Variants in BTN2A1 observed in about 807,000 individuals in gnomAD.
The protein encoded by BTN2A1 is butyrophilin subfamily 2 member A1, also known as butyrophilin, subfamily 2, member A1.
BTN2A1 carries 41 observed loss-of-function variants against 34.5 expected under a neutral mutation model. The ratio of observed to expected loss-of-function variants is 1.19; its 90% CI spans 0.93 to 1.54. The LOEUF is 1.54. Among genes scored for constraint, BTN2A1 ranks in the 40% most tolerant of loss-of-function variants. The probability of loss-of-function intolerance (pLI) is 0.00; values close to 1 mark genes in which losing one functional copy is unlikely to be tolerated. For synonymous variants in BTN2A1, 267 were observed against 258.6 expected (o/e 1.03, Z -0.31); for missense variants, 642 against 662.0 (o/e 0.97, Z 0.33).
chr6:26,476,319 A>G lies in BTN2A1; in HGVS notation c.*187A>G, dbSNP rs1298221255. On this transcript the variant is annotated 3_prime_UTR_variant, in exon 8 of 8. Coordinates refer to the BTN2A1 transcript ENST00000469185. ...GCTCTCTCCTGTCTATTCATCAGCT[A>G]GGCTGAAGCTCCTGACAGACTCACA... The G allele has an allele frequency of 7.3e-6, 6 of 818,366 alleles. No homozygotes were observed. The East Asian group carries it at 1.5e-4, about 21-fold the overall frequency. 50.7% of individuals were successfully genotyped at this position (818,366 alleles called of 1,614,324 possible). A position where few individuals can be genotyped will look rare whatever the true frequency, so the allele number is the denominator to read the frequency against.
intron 4 of BTN2A1, 50 bp downstream of exon 4, chr6:26,463,575 C>T (rs1763231876): frequency 6.4e-7 from 1 of 1,572,830 alleles, no homozygotes; most frequent in African/African-American, 1.3e-5. Context: ...GGATCCTCAG[C>T]ACACAGATGG....
chr6:26,469,851 G>C (rs1363560517), downstream of BTN2A1, among the ~76,000 whole-genome samples: 2 of 152,064 alleles, frequency 1.3e-5, no homozygotes, highest in Non-Finnish European at 2.9e-5. Context: ...CCTTAAAACA[G>C]TTCTGGTTAA....
chr6:26,471,661 G>GGAAA (rs943684123), downstream of BTN2A1, among the ~76,000 whole-genome samples: 10 of 144,356 alleles, frequency 6.9e-5, no homozygotes, highest in African/African-American at 2.9e-4. Context: ...AAGGAAGGAA[G>GGAAA]GAAAGGAAGG....
chr6:26,465,375 T>G lies in BTN2A1; in HGVS notation c.903T>G (p.Arg301=), dbSNP rs1283072912. 1.9e-6 allele frequency: 3 copies of G among 1,613,838 alleles called. No homozygotes were observed. The South Asian group carries it at 3.3e-5, about 18-fold the overall frequency. ...EIALKELEKE[R]VQKEEELQVK... ...CTCTAAAGGAACTGGAGAAAGAACG[T>G]GTGCAAAAAGAGGAAGAACTTCAAG... The change falls in exon 5 of 8, where the codon CGT becomes CGG. Residue 301 remains arginine, a synonymous_variant. Transcript: ENST00000312541.
downstream of BTN2A1, among the ~76,000 whole-genome samples, chr6:26,470,252 CAG>C (rs1212682486): frequency 7.9e-5 from 12 of 152,132 alleles, no homozygotes; most frequent in Non-Finnish European, 5.9e-5. Context: ...GAGGCTGAGA[CAG>C]GGAATCCTTG....
rs1427146212 is a variant in BTN2A1, at chr6:26,459,486, TTTA to T, written c.91_93del (p.Ile31del). The T allele has an allele frequency of 1.9e-6, 3 of 1,613,556 alleles. No individual in the cohort carries two copies. The highest frequency in any genetic ancestry group is 1.7e-6 in the Non-Finnish European group (2 of 1,179,696). On this transcript the variant is annotated inframe_deletion, in exon 3 of 8. Transcript: ENST00000312541. ...TCTACCCCTTTGTTGAACAGCCCAGTTTATTGTCGTGGGGCCCACTGATCCCAT... is the reference window on the plus strand; with the variant it reads ...TCTACCCCTTTGTTGAACAGCCCAGTTTGTCGTGGGGCCCACTGATCCCAT...
rs1459363598 is a variant in BTN2A1 at position 26,459,562 on chromosome 6, C to T, written c.164C>T (p.Pro55Leu). 1 of 1,614,030 alleles carries T rather than the reference C, an allele frequency of 6.2e-7. No homozygotes were observed. The highest frequency in any genetic ancestry group is 8.5e-7 in the Non-Finnish European group (1 of 1,179,994). Residue 55 changes from proline to leucine, a missense_variant, in exon 3 of 8, where the codon CCC (proline) becomes CTC (leucine). Coordinates refer to ENST00000312541, the MANE Select transcript of BTN2A1 (RefSeq NM_007049.5). The part of the protein sequence containing the change: ...ENTTLRCHLS[P>L]EKNAEDMEVR... ...ACTACGTTACGCTGCCATCTGTCAC[C>T]CGAGAAAAATGCTGAGGACATGGAG...
downstream of BTN2A1, among the ~76,000 whole-genome samples, chr6:26,472,441 C>T (rs115973879): frequency 0.016 from 2,451 of 152,294 alleles, 48 homozygotes; most frequent in Non-Finnish European, 0.025. Context: ...TAAATTCAAA[C>T]TGTTGTAGTA....
intron 7 of BTN2A1, 152 bp downstream of exon 7, chr6:26,466,240 A>G (rs999024469): frequency 3.7e-5 from 43 of 1,175,098 alleles, no homozygotes; most frequent in Non-Finnish European, 5.1e-5. Context: ...GCAATGATGC[A>G]TCATGTCTCT....
At chr6:26,472,330 A>G (rs1385767358), downstream of BTN2A1, among the ~76,000 whole-genome samples, 1 of 152,176 alleles carries the variant, frequency 6.6e-6, no homozygotes, top group African/African-American at 2.4e-5. Flanking sequence ...TCCCCTGTCT[A>G]CAAATGAGAT....
intron 4 of BTN2A1, 109 bp downstream of exon 4, chr6:26,463,634 C>A: frequency 1.5e-6 from 2 of 1,305,352 alleles, no homozygotes; most frequent in South Asian, 2.8e-5. Context: ...TAGTCCTGGG[C>A]CCTAAGGACC....
chr6:26,462,858 C>G (rs1375780262), intron 3 of BTN2A1: 3 of 1,280,418 alleles, frequency 2.3e-6, no homozygotes, highest in Non-Finnish European at 3.1e-6. Flanking sequence ...AAATCCAAAA[C>G]CTGCCTGTTT....
intron 3 of BTN2A1, among the ~76,000 whole-genome samples, chr6:26,462,061 G>A (rs550844587): frequency 6.6e-6 from 1 of 151,954 alleles, no homozygotes; most frequent in South Asian, 2.1e-4. Context: ...CAAAGCACCA[G>A]ACTTAAGTTA....
Position 26,468,240 on chromosome 6 carries a change from G to A in BTN2A1, c.1275G>A (p.Glu425=), listed in dbSNP as rs779754802. Residue 425 remains glutamate (E), a synonymous_variant, in exon 8 of 8, where the codon GAG becomes GAA. Coordinates refer to ENST00000312541, the MANE Select transcript of BTN2A1 (RefSeq NM_007049.5). ...CTCAGAATGGCTTCTGGACCTTGGA[G>A]ATGCATAAAGGGCAATACCGGGCCG... The part of the protein sequence containing the change: ...LIPQNGFWTL[E]MHKGQYRAVS... The A allele has an allele frequency of 2.5e-6, 4 of 1,614,086 alleles. No individual in the cohort carries two copies. The highest frequency in any genetic ancestry group is 3.4e-6 in the Non-Finnish European group (4 of 1,180,042).
chr6:26,474,873 G>C (rs748592318), intron 7 of BTN2A1, among the ~76,000 whole-genome samples: 19 of 151,360 alleles, frequency 1.3e-4, no homozygotes, highest in African/African-American at 4.6e-4. Context: ...CTCAGCCTCC[G>C]GAGTAGCTGG....
Position 26,458,670 on chromosome 6 carries a change from C to T in BTN2A1, c.34C>T (p.Pro12Ser), listed in dbSNP as rs139658946. 1.2e-6 allele frequency: 2 copies of T among 1,613,962 alleles called. No homozygotes were observed. The highest frequency in any genetic ancestry group is 1.7e-6 in the Non-Finnish European group (2 of 1,180,022). ...AGCTGCTGCCCTGCACTTCTCCCGG[C>T]CAGCCTCCCTCCTCCTCCTCCTCCT... ...ESAAALHFSR[P>S]ASLLLLLLSL... The change falls in exon 2 of 8, where the codon CCA (proline) becomes TCA (serine). Residue 12 changes from proline (P) to serine (S), a missense_variant. Pro to Ser is a moderately conservative substitution (Grantham distance 74). Transcript: ENST00000312541.
intron 7 of BTN2A1, among the ~76,000 whole-genome samples, chr6:26,475,024 A>G (rs1763515293): frequency 6.6e-6 from 1 of 152,170 alleles, no homozygotes; most frequent in Non-Finnish European, 1.5e-5. Context: ...TGGCCTCCCA[A>G]AGTGCTGTGA....
At position 26,458,664 on chromosome 6, in the gene BTN2A1, T is replaced by C; in HGVS notation, c.28T>C (p.Ser10Pro). Residue 10 changes from serine to proline, a missense_variant, in exon 2 of 8, where the codon TCC becomes CCC. Physicochemically the swap from Ser to Pro is moderately conservative, Grantham distance 74. Coordinates refer to ENST00000312541, the MANE Select transcript of BTN2A1 (RefSeq NM_007049.5). MESAAALHFSRPASLLLLLL... is the reference protein window; with the variant it reads MESAAALHFPRPASLLLLLL... Reference sequence around the variant, plus strand: ...GGAATCAGCTGCTGCCCTGCACTTCTCCCGGCCAGCCTCCCTCCTCCTCCT... The same window carrying C: ...GGAATCAGCTGCTGCCCTGCACTTCCCCCGGCCAGCCTCCCTCCTCCTCCT... 6.2e-7 allele frequency: 1 copy of C among 1,614,062 alleles called. No individual in the cohort carries two copies. The highest frequency in any genetic ancestry group is 8.5e-7 in the Non-Finnish European group (1 of 1,180,002).
chr6:26,473,762 T>G (rs1763489748), downstream of BTN2A1, among the ~76,000 whole-genome samples: 1 of 152,250 alleles, frequency 6.6e-6, no homozygotes, highest in Non-Finnish European at 1.5e-5. Flanking sequence ...ACACTGATTG[T>G]ACACGTAACA....
Sources: gnomAD v4.1 joint callset for allele counts (sites outside exome capture counted in the v4.1 genomes callset) on GRCh38, gnomAD v4.1.1 for gene constraint, MANE v1.5 for transcripts, NCBI Gene and HGNC (gene_info 2026-07-23, HGNC 2026-07-21) for gene names.